The following ERGIC2 variants were observed in gnomAD, a reference collection of about 807,000 sequenced individuals.
ERGIC2 encodes endoplasmic reticulum-Golgi intermediate compartment protein 2.
In ERGIC2, 31 loss-of-function variants were observed where a neutral mutation model predicts 52.5. That is an observed-to-expected ratio of 0.59 (90% CI 0.44 to 0.80). The LOEUF (loss-of-function observed/expected upper bound fraction) is 0.80, where lower values mean the gene tolerates loss of function less well. Ranked by LOEUF, ERGIC2 falls within the 30% of genes least tolerant of loss-of-function variation. The probability of loss-of-function intolerance (pLI) is 0.00; values close to 1 mark genes in which losing one functional copy is unlikely to be tolerated. For synonymous variants in ERGIC2, 129 were observed against 140.6 expected (o/e 0.92, Z 0.58); for missense variants, 395 against 455.2 (o/e 0.87, Z 1.20).
chr12:29,343,955 C>T (rs948748580), intron 11 of ERGIC2, among the ~76,000 whole-genome samples: 2 of 152,150 alleles, frequency 1.3e-5, no homozygotes, highest in Non-Finnish European at 2.9e-5. Context: ...CCCAGTTACT[C>T]CATTCTTTTT....
intron 13 of ERGIC2, 27 bp from the exon 14 acceptor site, chr12:29,341,245 A>C (rs1349737070): frequency 6.4e-7 from 1 of 1,565,448 alleles, no homozygotes; most frequent in Non-Finnish European, 8.7e-7. Context: ...GGAAAAAAAG[A>C]CCAAAGAATT....
chr12:29,370,143 A>T lies in ERGIC2; in HGVS notation c.186T>A (p.Tyr62Ter). The T allele has an allele frequency of 1.3e-6, 2 of 1,539,898 alleles. No individual in the cohort carries two copies. Among genetic ancestry groups the T allele is most frequent in the Non-Finnish European group, 1.7e-6 (2 of 1,154,806 alleles). The part of the protein sequence containing the change: ...FSVYQDTWMK[Y>*]EYEVDKDFSS... ...AAAAATCCTTGTCTACTTCGTATTC[A>T]TACTTCATCCATGTATCTTGATATA... is the stretch of plus-strand genomic sequence containing the variant. Residue 62 changes from tyrosine to a stop codon, truncating the protein, a stop_gained, in exon 3 of 14, where the codon TAT (tyrosine) becomes TAA (stop). Coordinates refer to ENST00000360150, the MANE Select transcript of ERGIC2 (RefSeq NM_016570.3). LOFTEE classifies it high-confidence loss of function.
intron 5 of ERGIC2, among the ~76,000 whole-genome samples, chr12:29,363,061 C>T (rs1395020050): frequency 6.6e-6 from 1 of 152,166 alleles, no homozygotes; most frequent in Non-Finnish European, 1.5e-5. Context: ...ACTTAACCTT[C>T]CTAACCACCT....
In ERGIC2 at chr12:29,343,102, A is replaced by C; in HGVS notation, c.988+18T>G. 1 of 1,551,896 alleles carries C rather than the reference A, an allele frequency of 6.4e-7. No individual in the cohort carries two copies. Among genetic ancestry groups the C allele is most frequent in the Non-Finnish European group, 8.7e-7 (1 of 1,143,852 alleles). On this transcript the variant is annotated intron_variant, in intron 12 of 13. Transcript: ENST00000360150. The stretch of plus-strand genomic sequence containing the variant: ...GCAACACTTTCAGAAATTAGACAAA[A>C]AGGAAATGGTTGTTAACCTGTTGTT...
At chr12:29,375,798 A>T (rs989440546) in intron 1 of ERGIC2, among the ~76,000 whole-genome samples, 5 of 152,048 alleles carry the variant, frequency 3.3e-5, no homozygotes, top group Non-Finnish European at 7.4e-5. Flanking sequence ...TTTCCAGGGG[A>T]TATCACTCTA....
chr12:29,350,043 C>T lies in ERGIC2; in HGVS notation c.598G>A (p.Ala200Thr). The T allele has an allele frequency of 6.2e-7, 1 of 1,607,158 alleles. No homozygotes were observed. The highest frequency in any genetic ancestry group is 8.5e-7 in the Non-Finnish European group (1 of 1,174,750). ...GKAIPHPRGHAHLAALVNHES... is the reference protein window; with the variant it reads ...GKAIPHPRGHTHLAALVNHES... ...TGGTTGACAAGTGCTGCCAAATGTG[C>T]ATGACCACGAGGATGTGGAATTGCC... The change falls in exon 9 of 14, where the codon GCA (alanine) becomes ACA (threonine). Residue 200 changes from alanine (A) to threonine (T), a missense_variant. By Grantham distance (58) the Ala-to-Thr change is moderately conservative. Coordinates refer to ENST00000360150, the MANE Select transcript of ERGIC2 (RefSeq NM_016570.3).
chr12:29,364,528 G>A (rs1362838933), intron 5 of ERGIC2, among the ~76,000 whole-genome samples: 1 of 151,946 alleles, frequency 6.6e-6, no homozygotes. Context: ...ACACCATTGT[G>A]GGCATCACCC....
intron 7 of ERGIC2, 120 bp downstream of exon 7, chr12:29,357,503 T>C (rs1940224606): frequency 3.1e-6 from 2 of 637,816 alleles, no homozygotes; most frequent in Non-Finnish European, 5.6e-6. Context: ...TAGTACAGAA[T>C]GATTCTATTT....
At position 29,363,258 on chromosome 12, in the gene ERGIC2, T is replaced by C. The variant is rs192232946; in HGVS notation, c.334-1573A>G. Among the ~76,000 whole-genome samples the C allele has an allele frequency of 2.5e-4, 38 of 152,260 alleles. No individual in the cohort carries two copies. In the East Asian group the frequency reaches 5.6e-3, roughly 22 times the overall value. ...AAATAGTAACTAAATGCAATAGAAA[T>C]AGCAGAATAGTAACTATCATAGCAT... is the stretch of plus-strand genomic sequence containing the variant. On this transcript the variant is annotated intron_variant, in intron 5 of 13. Coordinates refer to ENST00000360150, the MANE Select transcript of ERGIC2 (RefSeq NM_016570.3).
chr12:29,371,842 G>A (rs1022820818), intron 1 of ERGIC2, among the ~76,000 whole-genome samples, 172 bp from the exon 2 acceptor site: 1 of 151,864 alleles, frequency 6.6e-6, no homozygotes, highest in Non-Finnish European at 1.5e-5. Context: ...TTCATGCCCT[G>A]ACAAAAACTA....
At chr12:29,342,244 C>G (rs984240924) in intron 12 of ERGIC2, among the ~76,000 whole-genome samples, 8 of 152,176 alleles carry the variant, frequency 5.3e-5, no homozygotes, top group African/African-American at 7.2e-5. Context: ...AACTTCTGGC[C>G]TCAAGTTGAT....
In ERGIC2 at chr12:29,338,358, T is replaced by C. The variant is rs148415006; in HGVS notation, c.*2798A>G. 3.3e-5 allele frequency: 5 copies of C among 151,728 alleles called. No individual in the cohort carries two copies. In the East Asian group the frequency reaches 9.8e-4, roughly 30 times the overall value. The allele number at this position is 151,728 out of a possible 1,614,324, so 9.4% of individuals were successfully genotyped here. A position where few individuals can be genotyped will look rare whatever the true frequency, so the allele number is the denominator to read the frequency against. ...ATCTAACTTGAGAACTAGAAGTAAT[T>C]TGGGTGCCAGGTGCAGTGGCTCGTG... On this transcript the variant is annotated 3_prime_UTR_variant, in exon 14 of 14. Transcript: ENST00000360150.
intron 9 of ERGIC2, among the ~76,000 whole-genome samples, chr12:29,349,476 T>C (rs1390179132): frequency 6.6e-6 from 1 of 152,028 alleles, no homozygotes; most frequent in Non-Finnish European, 1.5e-5. Context: ...TCTTTCCTTT[T>C]CCAAATCATC....
intron 8 of ERGIC2, among the ~76,000 whole-genome samples, chr12:29,351,409 A>G (rs566561268): frequency 6.6e-6 from 1 of 152,156 alleles, no homozygotes; most frequent in Non-Finnish European, 1.5e-5. Context: ...CTCAACTTCT[A>G]TAAAAATATT....
At chr12:29,370,771 T>C (rs1940430348) in intron 2 of ERGIC2, among the ~76,000 whole-genome samples, 1 of 151,986 alleles carries the variant, frequency 6.6e-6, no homozygotes, top group South Asian at 2.1e-4. Flanking sequence ...CATCTCTAAA[T>C]AGCTAACAAA....
At chr12:29,365,389 A>G (rs551056972) in intron 5 of ERGIC2, among the ~76,000 whole-genome samples, 3 of 152,172 alleles carry the variant, frequency 2.0e-5, no homozygotes, top group East Asian at 3.9e-4. Flanking sequence ...CTCATTTATA[A>G]GTGGGAGCTA....
intron 8 of ERGIC2, among the ~76,000 whole-genome samples, chr12:29,352,843 C>T (rs1415189220): frequency 6.6e-6 from 1 of 152,070 alleles, no homozygotes; most frequent in Non-Finnish European, 1.5e-5. Flanking sequence ...CTTTTAGCAC[C>T]TTTACACTTC....
intron 8 of ERGIC2, among the ~76,000 whole-genome samples, chr12:29,351,340 T>C (rs1004529479): frequency 6.6e-6 from 1 of 152,192 alleles, no homozygotes; most frequent in Non-Finnish European, 1.5e-5. Context: ...CACCATCAGT[T>C]ATAATACATT....
chr12:29,355,041 A>G (rs1284089852), intron 8 of ERGIC2, among the ~76,000 whole-genome samples: 1 of 152,164 alleles, frequency 6.6e-6, no homozygotes, highest in Non-Finnish European at 1.5e-5. Context: ...ATAGAAATCT[A>G]ATGTTATCTC....
Sources: allele counts gnomAD v4.1 joint callset (sites outside exome capture counted in the v4.1 genomes callset), GRCh38; gene constraint gnomAD v4.1.1; transcripts MANE v1.5; gene names NCBI Gene and HGNC (gene_info 2026-07-23, HGNC 2026-07-21).